The following UBE2H variants were observed in gnomAD, a reference collection of about 807,000 sequenced individuals.
UBE2H encodes the protein ubiquitin-conjugating enzyme E2 H.
In UBE2H, 3 loss-of-function variants were observed where a neutral mutation model predicts 29.0. That is an observed-to-expected ratio of 0.10 (90% CI 0.05 to 0.27). The LOEUF is 0.27. Among genes scored for constraint, UBE2H ranks in the 10% least tolerant of loss-of-function variants. The pLI, the probability that UBE2H is intolerant of heterozygous loss-of-function variation, is 1.00. For missense variants in UBE2H, 68 were observed against 228.2 expected, an observed-to-expected ratio of 0.30 and a Z score of 4.52; for synonymous variants, 69 against 82.9, an observed-to-expected ratio of 0.83 and a Z score of 0.91.
chr7:129,877,578 A>C (rs1806170428), intron 3 of UBE2H, among the ~76,000 whole-genome samples: 1 of 152,236 alleles, frequency 6.6e-6, no homozygotes, highest in Admixed American at 6.5e-5. Flanking sequence ...CTTTCCAAAC[A>C]GAAGATGATA....
intron 5 of UBE2H, chr7:129,839,617 C>T (rs981943138): frequency 2.2e-5 from 7 of 315,308 alleles, no homozygotes; most frequent in African/African-American, 1.1e-4. Context: ...CTATTTCACA[C>T]AGCCATTTTC....
At position 129,887,218 on chromosome 7, in the gene UBE2H, C is replaced by CT. The variant is rs58727788; in HGVS notation, c.54-6248dup. ...ATTTAGCTACTAGAGCTCTCTTGAA[C>CT]TTTTTTTTTTTTTTTTTTTTTGAGA... On this transcript the variant is annotated intron_variant, in intron 1 of 6. Coordinates refer to ENST00000355621, the MANE Select transcript of UBE2H (RefSeq NM_003344.4). Among the ~76,000 whole-genome samples the CT allele has an allele frequency of 4.5e-3, 470 of 103,946 alleles. 4 individuals carry two copies. The highest frequency in any genetic ancestry group is 7.6e-3 in the African/African-American group (222 of 29,372). 68.2% of individuals were successfully genotyped at this position (103,946 alleles called of 152,430 possible).
In UBE2H at chr7:129,834,791, A is replaced by T. The variant is rs1805292036; in HGVS notation, c.*146T>A. 6 of 899,858 alleles carry T rather than the reference A, an allele frequency of 6.7e-6. No homozygotes were observed. The South Asian group carries it at 1.2e-4, about 19-fold the overall frequency. The allele number at this position is 899,858 out of a possible 1,614,324, so 55.7% of individuals were successfully genotyped here. On this transcript the variant is annotated 3_prime_UTR_variant, in exon 7 of 7. Transcript: ENST00000355621. ...CCAAGAAATCAAGATCTAAAGGGTG[A>T]TATATAATATATATATATCAATGCT...
intron 5 of UBE2H, among the ~76,000 whole-genome samples, chr7:129,841,671 C>A (rs1466468296): frequency 6.6e-6 from 1 of 152,180 alleles, no homozygotes; most frequent in Non-Finnish European, 1.5e-5. Flanking sequence ...GGTATTGACA[C>A]AGAGCAGCTC....
At chr7:129,857,958 C>A (rs150770502) in intron 4 of UBE2H, among the ~76,000 whole-genome samples, 40 of 152,172 alleles carry the variant, frequency 2.6e-4, no homozygotes, top group Middle Eastern at 3.4e-3. Flanking sequence ...AATTGAGGAA[C>A]AATCTATAAA....
intron 1 of UBE2H, among the ~76,000 whole-genome samples, chr7:129,890,805 A>G (rs769360651): frequency 5.1e-4 from 78 of 152,172 alleles, no homozygotes; most frequent in Non-Finnish European, 9.4e-4. Context: ...AAGTGGCAAT[A>G]TATTATAAAC....
intron 3 of UBE2H, among the ~76,000 whole-genome samples, chr7:129,861,175 G>C (rs1020700988): frequency 6.6e-6 from 1 of 151,594 alleles, no homozygotes; most frequent in Non-Finnish European, 1.5e-5. Flanking sequence ...AGTGAGCCAA[G>C]ATCACGCCAC....
At chr7:129,948,145 C>A (rs1167216185) in intron 1 of UBE2H, among the ~76,000 whole-genome samples, 1 of 152,054 alleles carries the variant, frequency 6.6e-6, no homozygotes, top group Non-Finnish European at 1.5e-5. Flanking sequence ...CAGGCATAAG[C>A]CACTGTGCCA....
intron 1 of UBE2H, among the ~76,000 whole-genome samples, chr7:129,933,935 G>T (rs1473084556): frequency 6.6e-6 from 1 of 152,192 alleles, no homozygotes; most frequent in African/African-American, 2.4e-5. Flanking sequence ...GTGTGGTCCA[G>T]ATTTTTAACC....
chr7:129,905,684 A>G (rs1225097983), intron 1 of UBE2H, among the ~76,000 whole-genome samples: 2 of 152,218 alleles, frequency 1.3e-5, no homozygotes, highest in Non-Finnish European at 2.9e-5. Flanking sequence ...GAGAAGGAAG[A>G]GGGACAAGCC....
Position 129,952,666 on chromosome 7 carries a change from C to A in UBE2H, c.-111G>T, listed in dbSNP as rs952350780. 3.8e-6 allele frequency: 5 copies of A among 1,316,010 alleles called. No homozygotes were observed. The highest frequency in any genetic ancestry group is 2.4e-4 in the Middle Eastern group (1 of 4,240). The allele number at this position is 1,316,010 out of a possible 1,614,324, so 81.5% of individuals were successfully genotyped here. A position where few individuals can be genotyped will look rare whatever the true frequency, so the allele number is the denominator to read the frequency against. On this transcript the variant is annotated 5_prime_UTR_variant, in exon 1 of 7. Transcript: ENST00000355621. ...CTCCTCGGTGGAGGTGGCAACACCC[C>A]CGCGGTCCCGGCGGTCCCGTCAGCC...
chr7:129,883,184 G>A (rs1435845238), intron 1 of UBE2H, among the ~76,000 whole-genome samples: 1 of 152,208 alleles, frequency 6.6e-6, no homozygotes, highest in Non-Finnish European at 1.5e-5. Flanking sequence ...TAGTACTTCT[G>A]AGGACAAATC....
chr7:129,939,650 T>C (rs867687802), intron 1 of UBE2H, among the ~76,000 whole-genome samples: 15 of 152,246 alleles, frequency 9.9e-5, no homozygotes, highest in South Asian at 4.1e-4. Flanking sequence ...CTATGCAACA[T>C]AGTCATCAAA....
At position 129,839,198 on chromosome 7, in the gene UBE2H, T is replaced by A; in HGVS notation, c.427+9A>T. On this transcript the variant is annotated intron_variant, in intron 6 of 6. Transcript: ENST00000355621. Reference sequence around the variant, plus strand: ...TTTTGTCTCCAGGTTAAACTACCCATCCTCTTACCTTTAATTTTCTGCTTG... The same window carrying A: ...TTTTGTCTCCAGGTTAAACTACCCAACCTCTTACCTTTAATTTTCTGCTTG... 1.2e-6 allele frequency: 2 copies of A among 1,610,962 alleles called. No individual in the cohort carries two copies. Among genetic ancestry groups the A allele is most frequent in the African/African-American group, 1.3e-5 (1 of 74,884 alleles).
chr7:129,903,502 C>A (rs575363751), intron 1 of UBE2H, among the ~76,000 whole-genome samples: 18 of 152,264 alleles, frequency 1.2e-4, no homozygotes, highest in Admixed American at 3.9e-4. Flanking sequence ...GTGGCTCATG[C>A]CTGTAATCCC....
At chr7:129,882,409 GAATA>G (rs1806273690) in intron 1 of UBE2H, among the ~76,000 whole-genome samples, 1 of 152,122 alleles carries the variant, frequency 6.6e-6, no homozygotes, top group South Asian at 2.1e-4. Flanking sequence ...ATCTCATAGA[GAATA>G]AATATTTTTA....
intron 3 of UBE2H, among the ~76,000 whole-genome samples, chr7:129,862,643 A>G (rs1805823635): frequency 6.6e-6 from 1 of 152,236 alleles, no homozygotes. Flanking sequence ...AGGTCACTAT[A>G]GAGGGAACAG....
chr7:129,850,580 G>A (rs1216342886), intron 5 of UBE2H, among the ~76,000 whole-genome samples: 1 of 152,186 alleles, frequency 6.6e-6, no homozygotes, highest in Non-Finnish European at 1.5e-5. Context: ...TACTTTGGGA[G>A]GCCGAGGCAG....
chr7:129,854,399 T>C (rs1457116471), intron 5 of UBE2H, among the ~76,000 whole-genome samples: 1 of 152,232 alleles, frequency 6.6e-6, no homozygotes, highest in Non-Finnish European at 1.5e-5. Context: ...AATTCTCCCA[T>C]GCTCAGTGTA....
Sources: gnomAD v4.1 joint callset for allele counts (sites outside exome capture counted in the v4.1 genomes callset) on GRCh38, gnomAD v4.1.1 for gene constraint, MANE v1.5 for transcripts, NCBI Gene and HGNC (gene_info 2026-07-23, HGNC 2026-07-21) for gene names.